PLEKHG5: variants seen among roughly 807,000 people sequenced by gnomAD.
PLEKHG5 encodes pleckstrin homology and RhoGEF domain containing G5.
PLEKHG5 carries 52 observed loss-of-function variants against 103.8 expected under a neutral mutation model. The observed-to-expected ratio is 0.50, with a 90% CI of 0.40 to 0.63. The LOEUF is 0.63. Ranked by LOEUF, PLEKHG5 falls within the 30% of genes least tolerant of loss-of-function variation. The probability of loss-of-function intolerance (pLI) is 0.00; values close to 1 mark genes in which losing one functional copy is unlikely to be tolerated. For missense variants in PLEKHG5, 1,205 were observed against 1,347.6 expected (o/e 0.89, Z 1.66); for synonymous variants, 592 against 575.5 (o/e 1.03, Z -0.41).
At position 6,474,898 on chromosome 1, in the gene PLEKHG5, A is replaced by C. The variant is rs1569881285; in HGVS notation, c.302+149T>G. The C allele has an allele frequency of 7.9e-6, 6 of 757,698 alleles. No individual in the cohort carries two copies. The East Asian group carries it at 1.5e-4, about 18-fold the overall frequency. 46.9% of individuals were successfully genotyped at this position (757,698 alleles called of 1,614,324 possible). A position where few individuals can be genotyped will look rare whatever the true frequency, so the allele number is the denominator to read the frequency against. ...CGCACTCCCTCACACTGGCGTGCAC[A>C]CCAGCACGGGTCTGCCCACGCAGGG... On this transcript the variant is annotated intron_variant, in intron 5 of 20. Transcript: ENST00000377728.
chr1:6,519,572 G>C (rs538047164), exon 1 of PLEKHG5: 76 of 1,260,306 alleles, frequency 6.0e-5, no homozygotes, highest in Admixed American at 2.3e-4. Context: ...AATGCCACAG[G>C]CCTCTCTAAT....
intron 1 of PLEKHG5, among the ~76,000 whole-genome samples, chr1:6,516,286 G>C (rs1638608890): frequency 6.6e-6 from 1 of 152,046 alleles, no homozygotes; most frequent in Non-Finnish European, 1.5e-5. Context: ...GTGAAATATT[G>C]GAAACAATCC....
At chr1:6,481,333 C>A (rs1377974273) in intron 1 of PLEKHG5, among the ~76,000 whole-genome samples, 1 of 151,040 alleles carries the variant, frequency 6.6e-6, no homozygotes, top group Non-Finnish European at 1.5e-5. Context: ...GAGTTCGAGA[C>A]CAGCCTGACC....
chr1:6,497,435 CG>C, upstream of PLEKHG5: 1 of 666,614 alleles, frequency 1.5e-6, no homozygotes, highest in Non-Finnish European at 1.8e-6. This position sits in a 1 kb window ranked among gnomAD's most constrained non-coding sequence, Gnocchi z 6.1. Context: ...GGGAGGCGGG[CG>C]GGGCAGGTGG....
chr1:6,475,692 A>G (rs1044445211), intron 3 of PLEKHG5, among the ~76,000 whole-genome samples, 170 bp from the exon 4 acceptor site: 1 of 152,208 alleles, frequency 6.6e-6, no homozygotes, highest in African/African-American at 2.4e-5. Context: ...CTGGTGGCCA[A>G]CACGGGAGTC....
At position 6,471,515 on chromosome 1, in the gene PLEKHG5, G is replaced by C. The variant is rs139904931; in HGVS notation, c.1254C>G (p.Pro418=). 7,418 of 1,610,552 alleles carry C rather than the reference G, an allele frequency of 4.6e-3. 28 individuals carry two copies. Among genetic ancestry groups the C allele is most frequent in the Non-Finnish European group, 4.9e-3 (5,758 of 1,179,038 alleles). The change falls in exon 12 of 21, where the codon CCC becomes CCG. Residue 418 remains proline (P), a synonymous_variant. Transcript: ENST00000377728. ...TCTTGAAGCCTTTGAGGAAGTCCCC[G>C]GGCTGTAGCAGCGCTCGCGTGCGCC... is the stretch of plus-strand genomic sequence containing the variant. ...KARRTRALLQ[P]GDFLKGFKMF...
In PLEKHG5 at chr1:6,470,965, CCGCCCACGGCACGCG is replaced by C. The variant is rs1064795162; in HGVS notation, c.1392+10_1392+24del. ...TCCAGGGTCCCGTCCTCCTGCGCCC[CCGCCCACGGCACGCG>C]CGCCCTCACCGTGATGTAGGCCCGG... On this transcript the variant is annotated intron_variant, in intron 13 of 20. Coordinates refer to ENST00000377728, the MANE Select transcript of PLEKHG5 (RefSeq NM_020631.6). 1.3e-6 allele frequency: 2 copies of C among 1,571,678 alleles called. No individual in the cohort carries two copies. Among genetic ancestry groups the C allele is most frequent in the Admixed American group, 1.8e-5 (1 of 54,658 alleles).
chr1:6,517,375 T>C (rs920782563), intron 1 of PLEKHG5, among the ~76,000 whole-genome samples: 12 of 150,150 alleles, frequency 8.0e-5, no homozygotes, highest in African/African-American at 2.5e-4. Context: ...CTGCTGTTCA[T>C]GGGGTAGGTA....
chr1:6,475,808 G>T, intron 3 of PLEKHG5, 123 bp downstream of exon 3: 1 of 895,552 alleles, frequency 1.1e-6, no homozygotes, highest in Non-Finnish European at 1.9e-6. Context: ...ACAGGCGTGG[G>T]AAGAGGTCTG....
At chr1:6,482,630 T>A (rs1644932453) in intron 1 of PLEKHG5, among the ~76,000 whole-genome samples, 1 of 152,212 alleles carries the variant, frequency 6.6e-6, no homozygotes, top group African/African-American at 2.4e-5. Flanking sequence ...TTGTCTAAGG[T>A]CACACAGCCA....
chr1:6,474,460 G>A lies in PLEKHG5; in HGVS notation c.430C>T (p.Arg144Cys), dbSNP rs778272514. 7.1e-5 allele frequency: 115 copies of A among 1,613,752 alleles called. No homozygotes were observed. Among genetic ancestry groups the A allele is most frequent in the Non-Finnish European group, 9.3e-5 (110 of 1,180,016 alleles). ...CCAGGCTGCTTCTCACCTTTGACAC[G>A]AAGGTAGTGTCCCCCGAACCTGTAG... ...EAYRFGGHYL[R>C]VKAPAKPGDE... Residue 144 changes from arginine to cysteine, a missense_variant, in exon 6 of 21, where the codon CGT becomes TGT. By Grantham distance (180) the Arg-to-Cys change is radical (BLOSUM62 -3). Coordinates refer to ENST00000377728, the MANE Select transcript of PLEKHG5 (RefSeq NM_020631.6).
intron 5 of PLEKHG5, 88 bp downstream of exon 5, chr1:6,474,959 C>T (rs1193407020): frequency 4.2e-5 from 36 of 863,162 alleles, no homozygotes; most frequent in South Asian, 2.9e-4. Context: ...CAGACACACA[C>T]GTCACACCTG....
Position 6,467,353 on chromosome 1 carries a change from T to G in PLEKHG5, c.*210A>C. On this transcript the variant is annotated 3_prime_UTR_variant, in exon 21 of 21. Coordinates refer to ENST00000377728, the MANE Select transcript of PLEKHG5 (RefSeq NM_020631.6). Reference sequence around the variant, plus strand: ...GGGGAGTAGGTGACGAGGGGCTGCCTGGGCAGGTGGGGTGGTACTGTGGCC... The same window carrying G: ...GGGGAGTAGGTGACGAGGGGCTGCCGGGGCAGGTGGGGTGGTACTGTGGCC... The G allele has an allele frequency of 1.2e-5, 8 of 684,830 alleles. No individual in the cohort carries two copies. The South Asian group carries it at 1.3e-4, about 11-fold the overall frequency. 42.4% of individuals were successfully genotyped at this position (684,830 alleles called of 1,614,324 possible).
chr1:6,512,292 T>A (rs1638495845), intron 1 of PLEKHG5, among the ~76,000 whole-genome samples: 1 of 152,212 alleles, frequency 6.6e-6, no homozygotes. Flanking sequence ...GAGCGAGTTG[T>A]CCTTCCTGCT....
chr1:6,472,493 G>A (rs1430843691), intron 10 of PLEKHG5, 34 bp downstream of exon 10: 1 of 1,420,488 alleles, frequency 7.0e-7, no homozygotes, highest in Non-Finnish European at 9.9e-7. Context: ...AGGGGGGCAG[G>A]GTGGCCACGG....
upstream of PLEKHG5, among the ~76,000 whole-genome samples, chr1:6,492,144 C>T (rs1245763797): frequency 4.1e-4 from 62 of 152,202 alleles, no homozygotes; most frequent in East Asian, 1.9e-4. Context: ...GCGGGGGAGG[C>T]GGCCAGATGA....
chr1:6,475,988 G>A lies in PLEKHG5; in HGVS notation c.92C>T (p.Thr31Ile), dbSNP rs763739771. Residue 31 changes from threonine (T) to isoleucine (I), a missense_variant, in exon 3 of 21, where the codon ACC becomes ATC. Transcript: ENST00000377728. ...CTCCTCCAAGTCCACTGCGGGGCTG[G>A]TGCGCGGCGGGCATGACCGGGTGGA... Reference protein sequence around the residue: ...NVSTRSCPPRTSPAVDLEEEE... With the variant: ...NVSTRSCPPRISPAVDLEEEE... The A allele has an allele frequency of 6.2e-7, 1 of 1,613,904 alleles. No individual in the cohort carries two copies. Among genetic ancestry groups the A allele is most frequent in the Admixed American group, 1.7e-5 (1 of 60,034 alleles).
At chr1:6,518,243 G>T (rs534132793) in intron 1 of PLEKHG5, among the ~76,000 whole-genome samples, 2 of 151,278 alleles carry the variant, frequency 1.3e-5, no homozygotes, top group Admixed American at 6.6e-5. Context: ...TGTCATGGCG[G>T]ATATTAAAAG....
At chr1:6,476,105 G>T in intron 2 of PLEKHG5, 69 bp from the exon 3 acceptor site, 1 of 1,347,270 alleles carries the variant, frequency 7.4e-7, no homozygotes. Flanking sequence ...GCTGCCTCCA[G>T]AGGGACCACA....
Sources: allele counts gnomAD v4.1 joint callset (sites outside exome capture counted in the v4.1 genomes callset), GRCh38; gene constraint gnomAD v4.1.1; non-coding constraint Gnocchi (gnomAD v3.1); transcripts MANE v1.5; gene names NCBI Gene and HGNC (gene_info 2026-07-23, HGNC 2026-07-21).